The following ZC3H18 variants were observed in gnomAD, a reference collection of about 807,000 sequenced individuals.
The protein encoded by ZC3H18 is zinc finger CCCH domain-containing protein 18.
ZC3H18 carries 8 observed loss-of-function variants against 106.1 expected under a neutral mutation model. The ratio of observed to expected loss-of-function variants is 0.08; its 90% confidence interval spans 0.04 to 0.14. The LOEUF (loss-of-function observed/expected upper bound fraction) is 0.14. Ranked by LOEUF, ZC3H18 falls within the 10% of genes least tolerant of loss-of-function variation. ZC3H18 has a pLI of 1.00. For synonymous variants in ZC3H18, 635 were observed against 522.1 expected (o/e 1.22, Z -2.95); for missense variants, 1,318 against 1,278.4 (o/e 1.03, Z -0.47).
chr16:88,612,570 G>A (rs1041567588), intron 8 of ZC3H18, among the ~76,000 whole-genome samples: 8 of 151,644 alleles, frequency 5.3e-5, no homozygotes, highest in Non-Finnish European at 1.2e-4. Flanking sequence ...CCAGCTACTC[G>A]GGAGGCCAAG....
At chr16:88,588,132 A>G (rs1016841605) in intron 3 of ZC3H18, among the ~76,000 whole-genome samples, 2 of 152,264 alleles carry the variant, frequency 1.3e-5, no homozygotes, top group Non-Finnish European at 2.9e-5. Context: ...TCACAGTGTC[A>G]GTATTTAAAG....
At chr16:88,616,781 G>C (rs986875655) in intron 8 of ZC3H18, among the ~76,000 whole-genome samples, 17 of 152,216 alleles carry the variant, frequency 1.1e-4, no homozygotes, top group African/African-American at 4.1e-4. Context: ...AGATCCATTT[G>C]GGAAGATTCT....
chr16:88,609,987 A>G (rs1905198670), intron 7 of ZC3H18, among the ~76,000 whole-genome samples: 2 of 151,064 alleles, frequency 1.3e-5, no homozygotes, highest in Admixed American at 1.3e-4. Context: ...CGGGCGTGTC[A>G]CTCTTCCCCA....
At chr16:88,618,810 A>G (rs1349955294) in intron 8 of ZC3H18, among the ~76,000 whole-genome samples, 1 of 152,292 alleles carries the variant, frequency 6.6e-6, no homozygotes, top group Admixed American at 6.5e-5. Context: ...GGAAGTGTTC[A>G]TGCAAATTCC....
In ZC3H18 at chr16:88,627,539, G is replaced by T; in HGVS notation, c.2109-83G>T. The T allele has an allele frequency of 6.6e-7, 1 of 1,516,874 alleles. No homozygotes were observed. Among genetic ancestry groups the T allele is most frequent in the Non-Finnish European group, 8.9e-7 (1 of 1,125,060 alleles). 94.0% of individuals were successfully genotyped at this position (1,516,874 alleles called of 1,614,324 possible). On this transcript the variant is annotated intron_variant, in intron 13 of 17. Transcript: ENST00000301011. This position sits in a 1 kb window ranked among gnomAD's most constrained non-coding sequence, Gnocchi z 4.5. ...TACATGATCCATAAATGGACACTGCGTAAAAGTGGACCATGGAGCACCCCC... is the reference window on the plus strand; with the variant it reads ...TACATGATCCATAAATGGACACTGCTTAAAAGTGGACCATGGAGCACCCCC...
rs188247305 is a variant in ZC3H18 at position 88,606,655 on chromosome 16, G to T, written c.1089-2279G>T. Among the ~76,000 whole-genome samples the T allele has an allele frequency of 2.6e-3, 399 of 152,278 alleles. 1 individual carries two copies. Among genetic ancestry groups the T allele is most frequent in the African/African-American group, 9.1e-3 (378 of 41,546 alleles). On this transcript the variant is annotated intron_variant, in intron 6 of 17. Transcript: ENST00000301011. ...GTTTTTTGTAGAGACGGTGTCTCGCGTGCTGTCCAGGCTTCCTCTTCGTTT... is the reference window on the plus strand; with the variant it reads ...GTTTTTTGTAGAGACGGTGTCTCGCTTGCTGTCCAGGCTTCCTCTTCGTTT...
intron 8 of ZC3H18, among the ~76,000 whole-genome samples, chr16:88,619,678 G>C (rs527635288): frequency 6.6e-6 from 1 of 152,292 alleles, no homozygotes; most frequent in Non-Finnish European, 1.5e-5. Flanking sequence ...TCCATGCCGT[G>C]GCAGGGGGCA....
At chr16:88,572,002 T>C (rs1914437280) in intron 1 of ZC3H18, among the ~76,000 whole-genome samples, 1 of 152,216 alleles carries the variant, frequency 6.6e-6, no homozygotes, top group African/African-American at 2.4e-5. Flanking sequence ...GTAGTAAAAA[T>C]GTAGTCATAT....
intron 2 of ZC3H18, among the ~76,000 whole-genome samples, chr16:88,582,381 C>T (rs1036814791): frequency 2.6e-5 from 4 of 151,978 alleles, no homozygotes; most frequent in Non-Finnish European, 4.4e-5. Flanking sequence ...TCCGCCACCA[C>T]GGCCAGCTGA....
At chr16:88,588,932 T>G (rs2142602258) in intron 3 of ZC3H18, among the ~76,000 whole-genome samples, 1 of 152,186 alleles carries the variant, frequency 6.6e-6, no homozygotes, top group African/African-American at 2.4e-5. Context: ...TTTTTGCGGC[T>G]TAATCAGGTG....
At chr16:88,604,071 G>C (rs1430397728) in intron 6 of ZC3H18, among the ~76,000 whole-genome samples, 1 of 152,164 alleles carries the variant, frequency 6.6e-6, no homozygotes, top group Non-Finnish European at 1.5e-5. Flanking sequence ...CATATTGGCT[G>C]GATACAGTAG....
At chr16:88,606,865 G>C (rs1038956210) in intron 6 of ZC3H18, among the ~76,000 whole-genome samples, 3 of 152,190 alleles carry the variant, frequency 2.0e-5, no homozygotes, top group Non-Finnish European at 1.5e-5. Context: ...GGCCTCGAGG[G>C]TGTTCGTAGC....
At chr16:88,629,232 T>C (rs1306315025) in intron 16 of ZC3H18, among the ~76,000 whole-genome samples, 1 of 152,174 alleles carries the variant, frequency 6.6e-6, no homozygotes, top group South Asian at 2.1e-4. Flanking sequence ...CCCAGCACTT[T>C]GGGAGGCCAA....
rs768139492 is a variant in ZC3H18 at position 88,627,730 on chromosome 16, G to C, written c.2217G>C (p.Val739=). ...TGTACGCAGACCTGGCTAGCCCCGTGTCCTCAGCCAGCTCTCGGTCCCCGG... is the reference window on the plus strand; with the variant it reads ...TGTACGCAGACCTGGCTAGCCCCGTCTCCTCAGCCAGCTCTCGGTCCCCGG... ...EDMYADLASP[V]SSASSRSPAP... The change falls in exon 14 of 18, where the codon GTG becomes GTC. Residue 739 remains valine, a synonymous_variant. Coordinates refer to ENST00000301011, the MANE Select transcript of ZC3H18 (RefSeq NM_144604.4). The surrounding 1 kb of genome is among the most constrained non-coding windows in gnomAD (Gnocchi z 4.5). 6.2e-7 allele frequency: 1 copy of C among 1,613,296 alleles called. No individual in the cohort carries two copies.
At chr16:88,615,796 CT>C (rs1905562940) in intron 8 of ZC3H18, among the ~76,000 whole-genome samples, 2 of 152,216 alleles carry the variant, frequency 1.3e-5, no homozygotes, top group African/African-American at 4.8e-5. Flanking sequence ...TCCCCAGCCC[CT>C]AGTCATGTAT....
rs781424603 is a variant in ZC3H18 at position 88,622,187 on chromosome 16, G to C, written c.1476-10G>C. The C allele has an allele frequency of 3.1e-6, 5 of 1,605,362 alleles. No individual in the cohort carries two copies. The South Asian group carries it at 5.5e-5, about 18-fold the overall frequency. On this transcript the variant is annotated splice_polypyrimidine_tract_variant and intron_variant, in intron 8 of 17. Coordinates refer to ENST00000301011, the MANE Select transcript of ZC3H18 (RefSeq NM_144604.4). The stretch of plus-strand genomic sequence containing the variant: ...TGGCCTGAGAGTTGCTAATGCCTCT[G>C]TAATTTCAGCCGCCAAGCTGAGCCA...
chr16:88,598,876 G>A (rs538527712), intron 5 of ZC3H18, among the ~76,000 whole-genome samples, 164 bp downstream of exon 5: 37 of 152,056 alleles, frequency 2.4e-4, no homozygotes, highest in African/African-American at 8.4e-4. Flanking sequence ...TTATTTTTTT[G>A]GAGACAGAGT....
At chr16:88,605,405 G>A (rs1255688223) in intron 6 of ZC3H18, among the ~76,000 whole-genome samples, 1 of 152,226 alleles carries the variant, frequency 6.6e-6, no homozygotes, top group Admixed American at 6.5e-5. Flanking sequence ...TGGGCACCAG[G>A]TCGACCATGC....
intron 1 of ZC3H18, among the ~76,000 whole-genome samples, chr16:88,574,182 T>C (rs1914590379): frequency 6.6e-6 from 1 of 150,932 alleles, no homozygotes; most frequent in African/African-American, 2.4e-5. Flanking sequence ...GCCCATTTAG[T>C]TTTTATAAAG....
Sources: gnomAD v4.1 joint callset for allele counts (sites outside exome capture counted in the v4.1 genomes callset) on GRCh38, gnomAD v4.1.1 for gene constraint, Gnocchi (gnomAD v3.1) non-coding constraint, MANE v1.5 for transcripts, NCBI Gene and HGNC (gene_info 2026-07-23, HGNC 2026-07-21) for gene names.